Variants in ZWILCH observed in about 807,000 individuals in gnomAD.
The protein encoded by ZWILCH is protein zwilch homolog.
A neutral mutation model predicts 79.9 loss-of-function variants in ZWILCH; 74 were observed. The ratio of observed to expected loss-of-function variants is 0.93; its 90% CI spans 0.77 to 1.12. ZWILCH has a LOEUF of 1.12. ZWILCH is among the 50% of genes most tolerant of loss of function. ZWILCH has a pLI of 0.00. For missense variants in ZWILCH, 694 were observed against 687.5 expected, an observed-to-expected ratio of 1.01 and a Z score of -0.11; for synonymous variants, 241 against 228.2, an observed-to-expected ratio of 1.06 and a Z score of -0.51.
rs1486887869 is a variant in ZWILCH at position 66,509,974 on chromosome 15, C to T, written c.105+1082C>T. 4.0e-5 allele frequency among the ~76,000 whole-genome samples: 6 copies of T among 149,138 alleles called. No individual in the cohort carries two copies. In the South Asian group the frequency reaches 6.3e-4, roughly 16 times the overall value. ...GATGGATCACCTGAGGTCAGGAGTT[C>T]GATACCAGCCTGGCCAACATGGTGA... On this transcript the variant is annotated intron_variant, in intron 2 of 18. Coordinates refer to ENST00000307897, the MANE Select transcript of ZWILCH (RefSeq NM_017975.5).
At chr15:66,528,076 C>T (rs1894738473) in intron 10 of ZWILCH, among the ~76,000 whole-genome samples, 164 bp downstream of exon 10, 2 of 152,006 alleles carry the variant, frequency 1.3e-5, no homozygotes, top group Non-Finnish European at 2.9e-5. Context: ...TTATTGTTTT[C>T]CTTAAGAAAT....
At chr15:66,523,853 G>A (rs919695022) in intron 8 of ZWILCH, 105 bp downstream of exon 8, 7 of 787,338 alleles carry the variant, frequency 8.9e-6, no homozygotes, top group Non-Finnish European at 1.4e-5. Flanking sequence ...TTCTTCAGAT[G>A]TTATGTATCC....
rs1417715582 is a variant in ZWILCH, at chr15:66,505,327, C to G, written c.-12C>G. The G allele has an allele frequency of 6.2e-7, 1 of 1,613,560 alleles. No individual in the cohort carries two copies. The highest frequency in any genetic ancestry group is 2.2e-5 in the East Asian group (1 of 44,874). On this transcript the variant is annotated 5_prime_UTR_variant, in exon 1 of 19. Coordinates refer to ENST00000307897, the MANE Select transcript of ZWILCH (RefSeq NM_017975.5). ...TTTGGCGGTTCCGGTACCGCTCTCA[C>G]ATTGGGGCGGGATGTGGGAGCGGCT...
chr15:66,536,002 C>T lies in ZWILCH; in HGVS notation c.1411C>T (p.Leu471=). 4.3e-6 allele frequency: 7 copies of T among 1,612,832 alleles called. No individual in the cohort carries two copies. Among genetic ancestry groups the T allele is most frequent in the Non-Finnish European group, 5.9e-6 (7 of 1,179,530 alleles). ...TCGTGTCCAAAAACTCCACCATATTCTAGAAATATTAGTCAGTTGCATGCC... is the reference window on the plus strand; with the variant it reads ...TCGTGTCCAAAAACTCCACCATATTTTAGAAATATTAGTCAGTTGCATGCC... ...VYRVQKLHHI[L]EILVSCMPFI... Residue 471 remains leucine, a synonymous_variant, in exon 15 of 19, where the codon CTA becomes TTA. Transcript: ENST00000307897.
chr15:66,531,646 G>A (rs1028248665), intron 12 of ZWILCH, among the ~76,000 whole-genome samples: 1 of 151,608 alleles, frequency 6.6e-6, no homozygotes, highest in African/African-American at 2.4e-5. Context: ...TAGTAGAGAC[G>A]GGGTTTCACC....
chr15:66,517,455 T>TATATATATATATATAG (rs1180456312), intron 4 of ZWILCH, among the ~76,000 whole-genome samples: 1,651 of 114,462 alleles, frequency 0.014, 31 homozygotes, highest in South Asian at 0.029. Flanking sequence ...TATATATATA[T>TATATATATATATATAG]AGTAATGTAC....
intron 14 of ZWILCH, among the ~76,000 whole-genome samples, chr15:66,534,644 A>G (rs750539222): frequency 6.6e-6 from 1 of 152,212 alleles, no homozygotes; most frequent in Non-Finnish European, 1.5e-5. Context: ...TTGTGTATCT[A>G]AACATAGAAG....
intron 4 of ZWILCH, among the ~76,000 whole-genome samples, chr15:66,516,188 C>G (rs1894248023): frequency 6.6e-6 from 1 of 152,212 alleles, no homozygotes; most frequent in African/African-American, 2.4e-5. Context: ...GGTAAACATC[C>G]TGCAATGCAT....
intron 18 of ZWILCH, 69 bp downstream of exon 18, chr15:66,546,774 C>G (rs1595926968): frequency 1.3e-6 from 1 of 755,604 alleles, no homozygotes; most frequent in Non-Finnish European, 2.0e-6. Context: ...TTAGTTCTTT[C>G]TACATTATCA....
chr15:66,540,712 T>A (rs1474698089), intron 17 of ZWILCH, among the ~76,000 whole-genome samples: 2 of 150,218 alleles, frequency 1.3e-5, no homozygotes, highest in African/African-American at 2.4e-5. Flanking sequence ...CACTGCAGCC[T>A]CCGCCTCCTG....
Position 66,530,762 on chromosome 15 carries a change from A to G in ZWILCH, c.1155+1189A>G, listed in dbSNP as rs532871760. Among the ~76,000 whole-genome samples, 3 of 152,348 alleles carry G rather than the reference A, an allele frequency of 2.0e-5. No homozygotes were observed. In the East Asian group the frequency reaches 5.8e-4, roughly 29 times the overall value. The stretch of plus-strand genomic sequence containing the variant: ...GTTAAAAAGATTTTTAATAGGAATT[A>G]TTTTAGGTAATATGACTACCAATTC... On this transcript the variant is annotated intron_variant, in intron 12 of 18. Coordinates refer to ENST00000307897, the MANE Select transcript of ZWILCH (RefSeq NM_017975.5).
intron 12 of ZWILCH, among the ~76,000 whole-genome samples, chr15:66,531,839 C>T (rs892952234): frequency 1.3e-5 from 2 of 152,008 alleles, no homozygotes; most frequent in Non-Finnish European, 1.5e-5. Flanking sequence ...GAGTCCGACG[C>T]GGGCGGATCA....
intron 3 of ZWILCH, among the ~76,000 whole-genome samples, chr15:66,515,095 C>G (rs1167928366): frequency 2.6e-5 from 4 of 152,066 alleles, no homozygotes; most frequent in Non-Finnish European, 5.9e-5. Flanking sequence ...GTGCATGCCA[C>G]CACCCTGGCT....
At chr15:66,512,434 T>C (rs1894102423) in intron 2 of ZWILCH, among the ~76,000 whole-genome samples, 3 of 151,890 alleles carry the variant, frequency 2.0e-5, no homozygotes, top group Admixed American at 2.0e-4. Flanking sequence ...TTTTTTTTTT[T>C]TTAAGAGACA....
intron 1 of ZWILCH, among the ~76,000 whole-genome samples, chr15:66,508,345 T>G (rs1179106383): frequency 6.6e-6 from 1 of 152,226 alleles, no homozygotes; most frequent in Admixed American, 6.5e-5. Flanking sequence ...TTACTGACTT[T>G]GAGTAACAAG....
At chr15:66,517,883 T>C (rs112365618) in intron 4 of ZWILCH, among the ~76,000 whole-genome samples, 21,750 of 150,972 alleles carry the variant, frequency 0.14, 2,602 homozygotes, top group African/African-American at 0.33. Context: ...CAAGCACAAG[T>C]CACCACACCC....
At chr15:66,517,216 C>G (rs924709436) in intron 4 of ZWILCH, among the ~76,000 whole-genome samples, 1 of 151,550 alleles carries the variant, frequency 6.6e-6, no homozygotes, top group African/African-American at 2.4e-5. Flanking sequence ...TTAGATTTTA[C>G]AGCATTTGCT....
At chr15:66,536,112 T>A in intron 15 of ZWILCH, 43 bp downstream of exon 15, 3 of 1,518,206 alleles carry the variant, frequency 2.0e-6, no homozygotes, top group Non-Finnish European at 2.7e-6. Flanking sequence ...AATGTATTTC[T>A]TTTGAAATAG....
At chr15:66,521,571 C>G (rs1030818507) in intron 7 of ZWILCH, among the ~76,000 whole-genome samples, 1 of 152,180 alleles carries the variant, frequency 6.6e-6, no homozygotes, top group Non-Finnish European at 1.5e-5. Flanking sequence ...TCACTGCTCA[C>G]TGCAGCCTCG....
Sources: allele counts gnomAD v4.1 joint callset (sites outside exome capture counted in the v4.1 genomes callset), GRCh38; gene constraint gnomAD v4.1.1; transcripts MANE v1.5; gene names NCBI Gene and HGNC (gene_info 2026-07-23, HGNC 2026-07-21).